RGPD4: variants seen among roughly 807,000 people sequenced by gnomAD.
RGPD4 encodes ranBP2-like and GRIP domain-containing protein 4.
RGPD4 carries 84 observed loss-of-function variants against 141.1 expected under a neutral mutation model. The observed-to-expected ratio is 0.60, with a 90% CI of 0.50 to 0.71. The LOEUF (loss-of-function observed/expected upper bound fraction) is 0.71. Among genes scored for constraint, RGPD4 ranks in the 30% least tolerant of loss-of-function variants. RGPD4 has a pLI of 0.00. For synonymous variants in RGPD4, 298 were observed against 566.8 expected (o/e 0.53, Z 6.74); for missense variants, 918 against 1,622.4 (o/e 0.57, Z 7.46).
chr2:107,856,075 A>G (rs1682297711), intron 8 of RGPD4, among the ~76,000 whole-genome samples: 1 of 135,694 alleles, frequency 7.4e-6, no homozygotes, highest in Non-Finnish European at 1.5e-5. Flanking sequence ...TTTTTTCCTG[A>G]GACAGTCTTA....
In RGPD4 at chr2:107,879,980, G is replaced by A. The variant is rs1302459232; in HGVS notation, c.4937G>A (p.Trp1646Ter). The A allele has an allele frequency of 1.9e-6, 3 of 1,611,108 alleles. No individual in the cohort carries two copies. The highest frequency in any genetic ancestry group is 2.2e-5 in the South Asian group (2 of 90,956). Residue 1646 changes from tryptophan (W) to a stop codon, truncating the protein, a stop_gained, in exon 21 of 23, where the codon TGG becomes TAG. Transcript: ENST00000408999. LOFTEE classifies it high-confidence loss of function. ...CAACATGTTGCAGAGCCTCCATTAT[G>A]GCATGCTGAATTTACCAAAGAAGAA... ...FKTPEKEPPLWHAEFTKEELV... is the reference protein window; with the variant it reads ...FKTPEKEPPL
In RGPD4 at chr2:107,878,205, T is replaced by G. The variant is rs1283591706; in HGVS notation, c.4925-1763T>G. The stretch of plus-strand genomic sequence containing the variant: ...TAATTCCTCTACTCTTATCATTTGA[T>G]ATTTTCATTTTATTGTGTACCTCTG... On this transcript the variant is annotated intron_variant, in intron 20 of 22. Transcript: ENST00000408999. Among the ~76,000 whole-genome samples, 8 of 151,720 alleles carry G rather than the reference T, an allele frequency of 5.3e-5. No individual in the cohort carries two copies. In the South Asian group the frequency reaches 6.2e-4, roughly 12 times the overall value.
At chr2:107,855,454 A>T (rs980296758) in intron 8 of RGPD4, among the ~76,000 whole-genome samples, 3 of 151,700 alleles carry the variant, frequency 2.0e-5, no homozygotes, top group Non-Finnish European at 4.4e-5. Flanking sequence ...CTACCCTTGC[A>T]GGGCTCTCAT....
At chr2:107,846,209 A>G (rs1024146063) in intron 6 of RGPD4, among the ~76,000 whole-genome samples, 2 of 150,224 alleles carry the variant, frequency 1.3e-5, no homozygotes, top group African/African-American at 5.0e-5. Context: ...TACAGGCATG[A>G]GCCACCGCGC....
chr2:107,873,739 A>T (rs1251813638), intron 20 of RGPD4, among the ~76,000 whole-genome samples: 4 of 151,800 alleles, frequency 2.6e-5, no homozygotes, highest in Non-Finnish European at 4.4e-5. Context: ...CTGGCTTTTT[A>T]TGTTTTAAAA....
chr2:107,854,155 A>G (rs1262392410), intron 7 of RGPD4, among the ~76,000 whole-genome samples: 10 of 133,624 alleles, frequency 7.5e-5, no homozygotes, highest in Non-Finnish European at 1.4e-4. Flanking sequence ...CCCAGGTTCA[A>G]GCTATCCTTG....
rs199866238 is a variant in RGPD4, at chr2:107,871,058, C to T, written c.3054C>T (p.Ser1018=). The change falls in exon 20 of 23, where the codon TCC becomes TCT. Residue 1018 remains serine, a synonymous_variant. Coordinates refer to ENST00000408999, the MANE Select transcript of RGPD4 (RefSeq NM_182588.3). ...CGKMANKANT[S]GDFEKDDDAY... Reference sequence around the variant, plus strand: ...AAATGGCCAATAAAGCAAACACTTCCGGTGACTTTGAGAAAGATGATGATG... The same window carrying T: ...AAATGGCCAATAAAGCAAACACTTCTGGTGACTTTGAGAAAGATGATGATG... 8.8e-5 allele frequency: 142 copies of T among 1,611,056 alleles called. 2 individuals carry two copies. The highest frequency in any genetic ancestry group is 2.4e-4 in the African/African-American group (18 of 74,322).
rs1682877236 is a variant in RGPD4, at chr2:107,870,783, A to G, written c.2779A>G (p.Ile927Val). Residue 927 changes from isoleucine to valine, a missense_variant, in exon 20 of 23, where the codon ATT becomes GTT. Ile to Val is a conservative substitution (Grantham distance 29). Transcript: ENST00000408999. Reference sequence around the variant, plus strand: ...GTCTGCTGATGGATTTAAATTTGGCATTTCGGAACCAGGAAATCAAGAAAA... The same window carrying G: ...GTCTGCTGATGGATTTAAATTTGGCGTTTCGGAACCAGGAAATCAAGAAAA... The part of the protein sequence containing the change: ...PVSADGFKFG[I>V]SEPGNQEKES... 12 of 1,609,156 alleles carry G rather than the reference A, an allele frequency of 7.5e-6. 1 individual carries two copies. Among genetic ancestry groups the G allele is most frequent in the Non-Finnish European group, 9.3e-6 (11 of 1,178,460 alleles).
At chr2:107,866,826 T>C (rs1402963708) in intron 18 of RGPD4, among the ~76,000 whole-genome samples, 3 of 114,238 alleles carry the variant, frequency 2.6e-5, no homozygotes, top group African/African-American at 9.5e-5. Context: ...CTGTGTAAGT[T>C]AACCTGCCTG....
chr2:107,853,995 CA>C (rs1352200310), intron 7 of RGPD4, among the ~76,000 whole-genome samples: 1 of 145,536 alleles, frequency 6.9e-6, no homozygotes, highest in African/African-American at 2.6e-5. Flanking sequence ...GTGATCCCCC[CA>C]CCTTGGCCTC....
chr2:107,890,973 G>A lies in RGPD4; in HGVS notation c.*242G>A, dbSNP rs1354296822. ...TGAAGTAAAAGTACAACAGCTTGAA[G>A]TATTGATACCAGGCCACAGCCCTCT... On this transcript the variant is annotated 3_prime_UTR_variant, in exon 23 of 23. Transcript: ENST00000408999. The A allele has an allele frequency of 3.3e-6, 2 of 610,494 alleles. No homozygotes were observed. Among genetic ancestry groups the A allele is most frequent in the African/African-American group, 3.9e-5 (2 of 51,864 alleles). The allele number at this position is 610,494 out of a possible 1,614,324, so 37.8% of individuals were successfully genotyped here.
chr2:107,834,552 C>A (rs1170850946), intron 1 of RGPD4, among the ~76,000 whole-genome samples: 1 of 151,754 alleles, frequency 6.6e-6, no homozygotes, highest in Non-Finnish European at 1.5e-5. Context: ...ATACTAGCCA[C>A]CTCAGTTATC....
Position 107,827,001 on chromosome 2 carries a change from G to A in RGPD4, c.-13G>A, listed in dbSNP as rs752755801. 6.3e-7 allele frequency: 1 copy of A among 1,595,712 alleles called. No individual in the cohort carries two copies. The highest frequency in any genetic ancestry group is 8.5e-7 in the Non-Finnish European group (1 of 1,172,854). The stretch of plus-strand genomic sequence containing the variant: ...CTGGTTTCACGCGTCTCGGGAGCCA[G>A]GTTGGTGGCGCGATGAGTTGCAGCA... On this transcript the variant is annotated 5_prime_UTR_variant, in exon 1 of 23. Coordinates refer to ENST00000408999, the MANE Select transcript of RGPD4 (RefSeq NM_182588.3).
chr2:107,830,964 T>C (rs1333185975), intron 1 of RGPD4, among the ~76,000 whole-genome samples: 8 of 152,148 alleles, frequency 5.3e-5, no homozygotes, highest in Non-Finnish European at 7.3e-5. Context: ...TCTGAGCACT[T>C]TGGGAGGCCG....
chr2:107,827,895 CGGG>C (rs1558784763), intron 1 of RGPD4, among the ~76,000 whole-genome samples: 1 of 16,918 alleles, frequency 5.9e-5, no homozygotes, highest in East Asian at 7.6e-4. Context: ...TCGACCTGGC[CGGG>C]CGGCGGCGGC....
rs59465525 is a variant in RGPD4, at chr2:107,857,790, A to G, written c.1276+821A>G. The stretch of plus-strand genomic sequence containing the variant: ...GCAGATCACCTGAGATCAGGAGTTC[A>G]AGACCATCCTGGCCAACATGGTGAA... On this transcript the variant is annotated intron_variant, in intron 9 of 22. Coordinates refer to ENST00000408999, the MANE Select transcript of RGPD4 (RefSeq NM_182588.3). 1.8e-4 allele frequency among the ~76,000 whole-genome samples: 27 copies of G among 150,924 alleles called. 1 individual carries two copies. Among genetic ancestry groups the G allele is most frequent in the African/African-American group, 5.9e-4 (24 of 40,942 alleles).
Position 107,872,169 on chromosome 2 carries a change from G to T in RGPD4, c.4165G>T (p.Asp1389Tyr), listed in dbSNP as rs148426826. The T allele has an allele frequency of 1.9e-6, 3 of 1,611,560 alleles. No homozygotes were observed. Among genetic ancestry groups the T allele is most frequent in the East Asian group, 2.2e-5 (1 of 44,884 alleles). ...TGATATAAAGATTTTACAGAATTAT[G>T]ATAATAAGCAAGTTCGTATAGTGAT... is the stretch of plus-strand genomic sequence containing the variant. ...IGDIKILQNY[D>Y]NKQVRIVMRR... The change falls in exon 20 of 23, where the codon GAT (aspartate) becomes TAT (tyrosine). Residue 1389 changes from aspartate (D) to tyrosine (Y), a missense_variant. By Grantham distance (160) the Asp-to-Tyr change is radical (BLOSUM62 -3). Transcript: ENST00000408999.
chr2:107,887,490 A>G (rs111979248), intron 22 of RGPD4, among the ~76,000 whole-genome samples: 5,869 of 151,372 alleles, frequency 0.039, 309 homozygotes, highest in African/African-American at 0.13. Flanking sequence ...TGTATTTGGG[A>G]AACATTAGCT....
intron 22 of RGPD4, among the ~76,000 whole-genome samples, chr2:107,884,803 C>G (rs1440902482): frequency 6.6e-6 from 1 of 151,618 alleles, no homozygotes; most frequent in African/African-American, 2.4e-5. Flanking sequence ...TACTAAAATT[C>G]CAATTGCTGG....
Sources: allele counts gnomAD v4.1 joint callset (sites outside exome capture counted in the v4.1 genomes callset), GRCh38; gene constraint gnomAD v4.1.1; transcripts MANE v1.5; gene names NCBI Gene and HGNC (gene_info 2026-07-23, HGNC 2026-07-21).